Variants in CELF2 observed in about 807,000 individuals in gnomAD.
CELF2 encodes CUGBP Elav-like family member 2.
Under a neutral mutation model 62.6 loss-of-function variants are expected in CELF2, and 8 were observed. The ratio of observed to expected loss-of-function variants is 0.13; its 90% CI spans 0.07 to 0.23. The LOEUF (loss-of-function observed/expected upper bound fraction) is 0.23, where lower values mean the gene tolerates loss of function less well. Ranked by LOEUF, CELF2 falls within the 10% of genes least tolerant of loss-of-function variation. The pLI, the probability that CELF2 is intolerant of heterozygous loss-of-function variation, is 1.00. For missense variants in CELF2, 333 were observed against 671.0 expected (o/e 0.50, Z 5.56); for synonymous variants, 258 against 250.0 (o/e 1.03, Z -0.30).
At chr10:10,639,208 A>G in the CELF2 span, among the ~76,000 whole-genome samples, 15,847 of 152,206 alleles carry the variant, frequency 0.1, 1,422 homozygotes, top group African/African-American at 0.24. Context: ...TTTCTAAGTA[A>G]TTAAATACCC....
At chr10:11,295,402 T>G (rs2093049410) in intron 9 of CELF2, among the ~76,000 whole-genome samples, 1 of 152,248 alleles carries the variant, frequency 6.6e-6, no homozygotes, top group Non-Finnish European at 1.5e-5. Context: ...TGAATAGCCT[T>G]TAAGTATAAA....
At chr10:10,981,054 G>C (rs896214183) in intron 2 of CELF2, among the ~76,000 whole-genome samples, 1 of 152,192 alleles carries the variant, frequency 6.6e-6, no homozygotes, top group Non-Finnish European at 1.5e-5. Context: ...TGCATTAGGG[G>C]CTCCAGAGAG....
In CELF2 at chr10:11,318,517, G is replaced by T; in HGVS notation, c.1097-2672G>T. The T allele has an allele frequency of 5.7e-6, 2 of 352,184 alleles. No individual in the cohort carries two copies. The highest frequency in any genetic ancestry group is 1.1e-5 in the Non-Finnish European group (2 of 177,868). The allele number at this position is 352,184 out of a possible 1,614,324, so 21.8% of individuals were successfully genotyped here. A position where few individuals can be genotyped will look rare whatever the true frequency, so the allele number is the denominator to read the frequency against. On this transcript the variant is annotated intron_variant, in intron 10 of 12. Transcript: ENST00000633077. The surrounding 1 kb of genome is among the most constrained non-coding windows in gnomAD (Gnocchi z 5.4). ...GTAAACACGACCCTTCCAGAAAGCA[G>T]ATTAGCTCTGAGGTGTAGTCCAGAG...
chr10:10,868,594 G>C (rs888537030), intron 1 of CELF2, among the ~76,000 whole-genome samples: 2 of 152,202 alleles, frequency 1.3e-5, no homozygotes, highest in Non-Finnish European at 2.9e-5. Flanking sequence ...CATGGCAGAA[G>C]AGGAGATGGG....
At chr10:10,642,017 A>T in the CELF2 span, among the ~76,000 whole-genome samples, 1 of 152,116 alleles carries the variant, frequency 6.6e-6, no homozygotes, top group African/African-American at 2.4e-5. Context: ...CCTTATTCTG[A>T]GTGCCTAGTG....
the CELF2 span, among the ~76,000 whole-genome samples, chr10:10,672,019 C>T: frequency 2.4e-4 from 37 of 152,230 alleles, no homozygotes; most frequent in African/African-American, 7.7e-4. Flanking sequence ...TGTAAGCCAC[C>T]GTGCCCAGCC....
the CELF2 span, among the ~76,000 whole-genome samples, chr10:10,769,551 T>C: frequency 6.6e-6 from 1 of 152,050 alleles, no homozygotes. Flanking sequence ...TCACCTGAGG[T>C]CAGGAGTTCA....
the CELF2 span, among the ~76,000 whole-genome samples, chr10:10,766,145 G>A: frequency 2.0e-5 from 3 of 152,174 alleles, no homozygotes; most frequent in South Asian, 2.1e-4. Flanking sequence ...GACAGGAAGT[G>A]CAAATGCCAT....
chr10:10,520,088 C>A, the CELF2 span, among the ~76,000 whole-genome samples: 1 of 152,174 alleles, frequency 6.6e-6, no homozygotes, highest in Non-Finnish European at 1.5e-5. Flanking sequence ...TGTACCCAGC[C>A]AGATAGTAGA....
intron 2 of CELF2, among the ~76,000 whole-genome samples, chr10:11,204,658 TCTC>T (rs1311224810): frequency 6.6e-6 from 1 of 152,182 alleles, no homozygotes; most frequent in African/African-American, 2.4e-5. Context: ...ACGGCAGTGA[TCTC>T]CTGCGCTTGA....
chr10:11,017,649 C>A (rs957166288), upstream of CELF2, among the ~76,000 whole-genome samples: 30 of 152,120 alleles, frequency 2.0e-4, no homozygotes, highest in African/African-American at 7.0e-4. This position sits in a 1 kb window ranked among gnomAD's most constrained non-coding sequence, Gnocchi z 5.5. Flanking sequence ...CGAGCGGCCA[C>A]GGCGGCCTCT....
rs1480115863 is a variant in CELF2, at chr10:11,311,237, C to G, written c.977-2902C>G. Among the ~76,000 whole-genome samples, 1 of 152,132 alleles carries G rather than the reference C, an allele frequency of 6.6e-6. No homozygotes were observed. The highest frequency in any genetic ancestry group is 1.5e-5 in the Non-Finnish European group (1 of 68,024). ...CCTCTGAGAATTCATAACAATAAAC[C>G]ATCCCTCACGTGAGTTTACAACCCA... On this transcript the variant is annotated intron_variant, in intron 9 of 12. Transcript: ENST00000633077. The surrounding 1 kb of genome is among the most constrained non-coding windows in gnomAD (Gnocchi z 4.7).
At chr10:10,604,235 CAAT>C in the CELF2 span, among the ~76,000 whole-genome samples, 7 of 152,272 alleles carry the variant, frequency 4.6e-5, no homozygotes, top group East Asian at 9.6e-4. Context: ...GATTTACAAA[CAAT>C]AACTCATTCT....
At chr10:11,228,654 GTTC>G (rs2067420190) in intron 3 of CELF2, among the ~76,000 whole-genome samples, 1 of 147,274 alleles carries the variant, frequency 6.8e-6, no homozygotes, top group Non-Finnish European at 1.5e-5. Context: ...ATTTTGACTA[GTTC>G]TTTGGTGTCT....
At chr10:11,210,042 T>G (rs1589113799) in intron 2 of CELF2, among the ~76,000 whole-genome samples, 1 of 152,216 alleles carries the variant, frequency 6.6e-6, no homozygotes, top group Non-Finnish European at 1.5e-5. Flanking sequence ...TAATTTAGCC[T>G]TCCAGGGCCT....
intron 2 of CELF2, among the ~76,000 whole-genome samples, chr10:11,196,807 A>G (rs2057631394): frequency 6.6e-6 from 1 of 151,276 alleles, no homozygotes; most frequent in South Asian, 2.1e-4. Flanking sequence ...AAATACAAAA[A>G]TTAGCCAGGC....
chr10:10,896,441 C>T (rs2062561586), intron 1 of CELF2, among the ~76,000 whole-genome samples: 1 of 152,032 alleles, frequency 6.6e-6, no homozygotes, highest in Non-Finnish European at 1.5e-5. Flanking sequence ...CAAGTCTACC[C>T]AGAATCTCGA....
chr10:10,778,477 G>C, the CELF2 span, among the ~76,000 whole-genome samples: 1 of 152,278 alleles, frequency 6.6e-6, no homozygotes, highest in Middle Eastern at 3.4e-3. Flanking sequence ...GAGCTTCCCT[G>C]GTGAAATGGG....
At chr10:11,043,560 C>T (rs988621176) in intron 1 of CELF2, among the ~76,000 whole-genome samples, 9 of 152,186 alleles carry the variant, frequency 5.9e-5, no homozygotes, top group Middle Eastern at 3.4e-3. Flanking sequence ...CGCAGACTTC[C>T]GTGTCCTGAA....
Sources: gnomAD v4.1 joint callset for allele counts (sites outside exome capture counted in the v4.1 genomes callset) on GRCh38, gnomAD v4.1.1 for gene constraint, Gnocchi (gnomAD v3.1) non-coding constraint, MANE v1.5 for transcripts, NCBI Gene and HGNC (gene_info 2026-07-23, HGNC 2026-07-21) for gene names.